MYO7A: variants seen among roughly 807,000 people sequenced by gnomAD.
The protein encoded by MYO7A is myosin VIIA.
Under a neutral mutation model 263.8 loss-of-function variants are expected in MYO7A, and 210 were observed. The ratio of observed to expected loss-of-function variants is 0.80; its 90% CI spans 0.71 to 0.89. MYO7A has a LOEUF of 0.89. Among genes scored for constraint, MYO7A ranks in the 40% least tolerant of loss-of-function variants. The pLI is 0.00. For synonymous variants in MYO7A, 1,239 were observed against 1,197.3 expected, an observed-to-expected ratio of 1.03 and a Z score of -0.72; for missense variants, 2,820 against 2,968.3, an observed-to-expected ratio of 0.95 and a Z score of 1.16.
chr11:77,208,903 C>T (rs1167942465), intron 44 of MYO7A, 100 bp downstream of exon 44: 18 of 960,646 alleles, frequency 1.9e-5, no homozygotes, highest in Middle Eastern at 2.1e-4. Context: ...GTGTGGGGCC[C>T]GTACCAGCCT....
intron 3 of MYO7A, among the ~76,000 whole-genome samples, chr11:77,145,879 G>C (rs1363221426): frequency 6.6e-6 from 1 of 152,192 alleles, no homozygotes. Context: ...TGTGAAGTGA[G>C]GGGGCTGGAA....
chr11:77,214,808 T>C lies in MYO7A; in HGVS notation c.*112T>C. 1 of 899,182 alleles carries C rather than the reference T, an allele frequency of 1.1e-6. No homozygotes were observed. Among genetic ancestry groups the C allele is most frequent in the Non-Finnish European group, 1.7e-6 (1 of 586,198 alleles). The allele number at this position is 899,182 out of a possible 1,614,324, so 55.7% of individuals were successfully genotyped here. On this transcript the variant is annotated 3_prime_UTR_variant, in exon 49 of 49. Transcript: ENST00000409709. ...ACTTATGCCATCCCGGCAGCGAGGC[T>C]GGGCTGGCCAGCCACCACTGACTAT...
In MYO7A at chr11:77,179,879, T is replaced by C; in HGVS notation, c.2512T>C (p.Trp838Arg). Residue 838 changes from tryptophan (W) to arginine (R), a missense_variant, in exon 21 of 49, where the codon TGG (tryptophan) becomes CGG (arginine). Transcript: ENST00000409709. ...GCGCAAGGCCTTCCGCCACCGCCTC[T>C]GGGCTGTGCTCACCGTGCAGGCCTA... ...LVRKAFRHRL[W>R]AVLTVQAYAR... is the part of the protein sequence containing the mutation. 1 of 1,540,846 alleles carries C rather than the reference T, an allele frequency of 6.5e-7. No homozygotes were observed. Among genetic ancestry groups the C allele is most frequent in the Non-Finnish European group, 8.7e-7 (1 of 1,146,762 alleles).
intron 2 of MYO7A, among the ~76,000 whole-genome samples, chr11:77,131,402 A>G (rs1950762083): frequency 6.6e-6 from 1 of 152,194 alleles, no homozygotes; most frequent in Non-Finnish European, 1.5e-5. Context: ...ATGTTTGCAT[A>G]TGAGTGCGTG....
intron 44 of MYO7A, chr11:77,209,030 TC>T (rs1591497814): frequency 1.8e-6 from 1 of 568,090 alleles, no homozygotes; most frequent in East Asian, 2.9e-5. Flanking sequence ...CCTCTGAGCT[TC>T]CGATCCCTAC....
chr11:77,151,980 C>G (rs1201185140), intron 4 of MYO7A, among the ~76,000 whole-genome samples: 2 of 152,178 alleles, frequency 1.3e-5, no homozygotes, highest in Non-Finnish European at 2.9e-5. Flanking sequence ...CTTGGCAAGT[C>G]TCCCACTTCT....
intron 42 of MYO7A, 107 bp downstream of exon 42, chr11:77,207,509 C>T: frequency 2.4e-6 from 2 of 848,502 alleles, no homozygotes; most frequent in South Asian, 1.5e-5. Flanking sequence ...GGGAAGAGGG[C>T]ACTGGCATCT....
intron 12 of MYO7A, among the ~76,000 whole-genome samples, chr11:77,161,502 G>A (rs782675246): frequency 1.3e-5 from 2 of 152,216 alleles, no homozygotes; most frequent in Non-Finnish European, 2.9e-5. Flanking sequence ...TTTAGGGGCC[G>A]TGTGAGGGAC....
chr11:77,147,257 C>T (rs1951638042), intron 3 of MYO7A, among the ~76,000 whole-genome samples: 1 of 151,656 alleles, frequency 6.6e-6, no homozygotes, highest in South Asian at 2.1e-4. Context: ...GTCTCTTTCT[C>T]TTCCTTCATG....
rs1651797632 is a variant in MYO7A at position 77,207,285 on chromosome 11, C to G, written c.5743-4C>G. 7 of 1,605,522 alleles carry G rather than the reference C, an allele frequency of 4.4e-6. No homozygotes were observed. The highest frequency in any genetic ancestry group is 6.0e-6 in the Non-Finnish European group (7 of 1,175,804). ...AGGAGCCCAGTGCTCACTGCCCCTC[C>G]CAGGCCTTCGAAGTGGAGTCCAGCA... On this transcript the variant is annotated splice_polypyrimidine_tract_variant and splice_region_variant and intron_variant, in intron 41 of 48. Coordinates refer to ENST00000409709, the MANE Select transcript of MYO7A (RefSeq NM_000260.4).
intron 1 of MYO7A, among the ~76,000 whole-genome samples, chr11:77,129,726 AG>A (rs1309654303): frequency 1.3e-5 from 2 of 152,226 alleles, no homozygotes; most frequent in Non-Finnish European, 2.9e-5. Context: ...GGGAGTGGTC[AG>A]GGAAGGCTTC....
chr11:77,201,932 G>C (rs983180320), intron 36 of MYO7A, among the ~76,000 whole-genome samples: 3 of 152,030 alleles, frequency 2.0e-5, no homozygotes, highest in Non-Finnish European at 2.9e-5. Flanking sequence ...CTGGGAAGGG[G>C]GCCCTGCTTC....
chr11:77,161,121 G>A lies in MYO7A; in HGVS notation c.1343+6G>A, dbSNP rs201886336. On this transcript the variant is annotated splice_donor_region_variant and intron_variant, in intron 12 of 48. Transcript: ENST00000409709. Reference sequence around the variant, plus strand: ...GAGAACTTTGCTGTGAACAGGTACCGCGTGGGGCTCTGCTCATGGGAATTT... The same window carrying A: ...GAGAACTTTGCTGTGAACAGGTACCACGTGGGGCTCTGCTCATGGGAATTT... 191 of 1,613,764 alleles carry A rather than the reference G, an allele frequency of 1.2e-4. No individual in the cohort carries two copies. The highest frequency in any genetic ancestry group is 1.6e-4 in the Middle Eastern group (1 of 6,062).
At chr11:77,158,162 C>T (rs189268619) in intron 8 of MYO7A, 115 bp from the exon 9 acceptor site, 36 of 1,257,936 alleles carry the variant, frequency 2.9e-5, no homozygotes, top group Admixed American at 1.9e-4. Flanking sequence ...CCTGGGGCCC[C>T]GGGCTGGCCT....
chr11:77,194,086 A>C (rs567614296), intron 31 of MYO7A: 1 of 651,286 alleles, frequency 1.5e-6, no homozygotes, highest in South Asian at 1.5e-5. Flanking sequence ...GCATCACTTC[A>C]TGTGCCCCTG....
chr11:77,208,846 G>A (rs367948124), intron 44 of MYO7A, 43 bp downstream of exon 44: 39 of 1,430,040 alleles, frequency 2.7e-5, no homozygotes, highest in Admixed American at 1.4e-4. Flanking sequence ...CACAGCTAGC[G>A]TTGCTGTACT....
chr11:77,164,227 C>T (rs1326487625), intron 14 of MYO7A, among the ~76,000 whole-genome samples: 1 of 152,128 alleles, frequency 6.6e-6, no homozygotes. Flanking sequence ...CAAAAGACTG[C>T]AGACTGCCCT....
At chr11:77,196,380 AG>A (rs1956665779) in intron 32 of MYO7A, among the ~76,000 whole-genome samples, 1 of 151,670 alleles carries the variant, frequency 6.6e-6, no homozygotes, top group South Asian at 2.1e-4. Context: ...AAAAAAAAAA[AG>A]GAGCTTATCT....
intron 19 of MYO7A, 34 bp downstream of exon 19, chr11:77,177,677 C>G: frequency 6.5e-7 from 1 of 1,546,708 alleles, no homozygotes; most frequent in Middle Eastern, 1.7e-4. Context: ...CCCTCCTCAG[C>G]CCACATACAG....
Sources: gnomAD v4.1 joint callset for allele counts (sites outside exome capture counted in the v4.1 genomes callset) on GRCh38, gnomAD v4.1.1 for gene constraint, MANE v1.5 for transcripts, NCBI Gene and HGNC (gene_info 2026-07-23, HGNC 2026-07-21) for gene names.